Variants in CCBE1 observed in about 807,000 individuals in gnomAD.
CCBE1 encodes the protein collagen and calcium-binding EGF domain-containing protein 1.
Under a neutral mutation model 50.0 loss-of-function variants are expected in CCBE1, and 37 were observed. That is an observed-to-expected ratio of 0.74 (90% CI 0.57 to 0.97). The LOEUF is 0.97. Ranked by LOEUF, CCBE1 falls within the 50% of genes least tolerant of loss-of-function variation. The probability of loss-of-function intolerance (pLI) is 0.00; values close to 1 mark genes in which losing one functional copy is unlikely to be tolerated. For missense variants in CCBE1, 538 were observed against 523.8 expected (o/e 1.03, Z -0.26); for synonymous variants, 234 against 203.7 (o/e 1.15, Z -1.27).
chr18:59,637,556 A>G (rs2053931188), intron 2 of CCBE1, among the ~76,000 whole-genome samples: 1 of 152,244 alleles, frequency 6.6e-6, no homozygotes, highest in Non-Finnish European at 1.5e-5. Flanking sequence ...AGGAATGAAA[A>G]AAACAACTCA....
At chr18:59,564,729 T>C (rs994584816) in intron 2 of CCBE1, among the ~76,000 whole-genome samples, 4 of 152,214 alleles carry the variant, frequency 2.6e-5, no homozygotes, top group African/African-American at 9.6e-5. Context: ...ATGAAGACGA[T>C]GAACACTGAG....
chr18:59,521,268 T>G (rs1308761955), intron 2 of CCBE1, among the ~76,000 whole-genome samples: 1 of 152,254 alleles, frequency 6.6e-6, no homozygotes, highest in East Asian at 1.9e-4. Context: ...ACACGGAGAT[T>G]TATCACAACA....
At position 59,466,908 on chromosome 18, in the gene CCBE1, G is replaced by A. The variant is rs1380525573; in HGVS notation, c.401-17C>T. The A allele has an allele frequency of 6.2e-6, 10 of 1,607,682 alleles. No individual in the cohort carries two copies. The highest frequency in any genetic ancestry group is 1.7e-5 in the Admixed American group (1 of 59,944). On this transcript the variant is annotated splice_polypyrimidine_tract_variant and intron_variant, in intron 4 of 10. Transcript: ENST00000439986. The stretch of plus-strand genomic sequence containing the variant: ...CATCAATATCTGGTTTGAACCAAAT[G>A]TAGAGAATACTAAGTTTCTGAGAAT...
At chr18:59,499,796 C>T (rs1913530420) in intron 2 of CCBE1, among the ~76,000 whole-genome samples, 1 of 152,214 alleles carries the variant, frequency 6.6e-6, no homozygotes, top group South Asian at 2.1e-4. Context: ...TCAGATACCA[C>T]TTTGACAGTG....
At chr18:59,628,933 C>A (rs1298625113) in intron 2 of CCBE1, among the ~76,000 whole-genome samples, 2 of 152,202 alleles carry the variant, frequency 1.3e-5, no homozygotes, top group African/African-American at 2.4e-5. Flanking sequence ...TTTGTCACCT[C>A]TCCTCTGCTA....
chr18:59,648,037 A>G (rs1285582390), intron 2 of CCBE1, among the ~76,000 whole-genome samples: 1 of 152,232 alleles, frequency 6.6e-6, no homozygotes, highest in Non-Finnish European at 1.5e-5. Context: ...TGACAAAGAG[A>G]ACATAGTTAA....
chr18:59,600,824 T>A (rs1287359637), intron 2 of CCBE1, among the ~76,000 whole-genome samples: 1 of 151,984 alleles, frequency 6.6e-6, no homozygotes, highest in South Asian at 2.1e-4. Context: ...CTTCACCTCA[T>A]CCCCTAGCCT....
At position 59,469,450 on chromosome 18, in the gene CCBE1, A is replaced by T. The variant is rs760676724; in HGVS notation, c.400+23T>A. The T allele has an allele frequency of 1.1e-5, 18 of 1,614,034 alleles. No individual in the cohort carries two copies. In the South Asian group the frequency reaches 1.8e-4, roughly 16 times the overall value. ...AACAAGGCACATGTTCAGAAGCTGG[A>T]AACAAGCACATTCCCAACACACCCA... On this transcript the variant is annotated intron_variant, in intron 4 of 10. Coordinates refer to ENST00000439986, the MANE Select transcript of CCBE1 (RefSeq NM_133459.4).
intron 2 of CCBE1, among the ~76,000 whole-genome samples, chr18:59,484,381 A>C (rs976060155): frequency 6.6e-6 from 1 of 152,246 alleles, no homozygotes. Flanking sequence ...TTCTATTTTA[A>C]TGCTGCATTT....
At chr18:59,614,140 A>G (rs558104198) in intron 2 of CCBE1, among the ~76,000 whole-genome samples, 1 of 152,094 alleles carries the variant, frequency 6.6e-6, no homozygotes, top group African/African-American at 2.4e-5. Context: ...TGAGTAGCTG[A>G]GATTATAGCC....
At chr18:59,577,264 T>C (rs899815737) in intron 2 of CCBE1, among the ~76,000 whole-genome samples, 1 of 152,212 alleles carries the variant, frequency 6.6e-6, no homozygotes, top group Non-Finnish European at 1.5e-5. Flanking sequence ...GGTCACCAGA[T>C]GGCAGCTCAA....
At chr18:59,555,949 G>A (rs2052650750) in intron 2 of CCBE1, among the ~76,000 whole-genome samples, 1 of 152,166 alleles carries the variant, frequency 6.6e-6, no homozygotes, top group Non-Finnish European at 1.5e-5. Context: ...AGTGCCGGAG[G>A]GAAGCTGTGC....
intron 2 of CCBE1, among the ~76,000 whole-genome samples, chr18:59,591,543 G>T (rs2053269448): frequency 6.6e-6 from 1 of 152,084 alleles, no homozygotes; most frequent in Non-Finnish European, 1.5e-5. Flanking sequence ...GAGAAAAATG[G>T]ACAAAATTCA....
At chr18:59,667,436 A>G (rs1397727117) in intron 2 of CCBE1, among the ~76,000 whole-genome samples, 1 of 152,190 alleles carries the variant, frequency 6.6e-6, no homozygotes, top group African/African-American at 2.4e-5. Context: ...AAGAATGCCA[A>G]CCCAGGACAT....
At chr18:59,531,957 T>C (rs1025177619) in intron 2 of CCBE1, among the ~76,000 whole-genome samples, 6 of 152,244 alleles carry the variant, frequency 3.9e-5, no homozygotes, top group African/African-American at 4.8e-5. Context: ...AAAATGACCA[T>C]GTATCACAAC....
intron 2 of CCBE1, among the ~76,000 whole-genome samples, chr18:59,555,314 C>T (rs1293528152): frequency 1.3e-5 from 2 of 152,174 alleles, no homozygotes; most frequent in Non-Finnish European, 2.9e-5. Context: ...AATTTGATGG[C>T]ACATTTTAAT....
At chr18:59,592,332 A>T (rs2053283209) in intron 2 of CCBE1, among the ~76,000 whole-genome samples, 1 of 152,236 alleles carries the variant, frequency 6.6e-6, no homozygotes. Context: ...GCCCCAAAAA[A>T]TCTCATTATG....
intron 2 of CCBE1, among the ~76,000 whole-genome samples, chr18:59,486,022 A>G (rs1028517154): frequency 6.6e-6 from 1 of 151,986 alleles, no homozygotes; most frequent in Non-Finnish European, 1.5e-5. Context: ...TGTGGGCTAG[A>G]ATTTTGGCTC....
At chr18:59,673,375 C>T (rs1270849455) in intron 2 of CCBE1, among the ~76,000 whole-genome samples, 1 of 152,140 alleles carries the variant, frequency 6.6e-6, no homozygotes, top group African/African-American at 2.4e-5. Flanking sequence ...TGCTTGAACC[C>T]AGGATGTGGA....
Sources: gnomAD v4.1 joint callset for allele counts (sites outside exome capture counted in the v4.1 genomes callset) on GRCh38, gnomAD v4.1.1 for gene constraint, MANE v1.5 for transcripts, NCBI Gene and HGNC (gene_info 2026-07-23, HGNC 2026-07-21) for gene names.